Variants in MXI1 observed in about 807,000 individuals in gnomAD.
MXI1 encodes max-interacting protein 1.
Under a neutral mutation model 36.9 loss-of-function variants are expected in MXI1, and 18 were observed. That is an observed-to-expected ratio of 0.49 (90% CI 0.34 to 0.72). The LOEUF is 0.72. MXI1 is among the 30% of genes least tolerant of loss of function. MXI1 has a pLI of 0.01. For missense variants in MXI1, 304 were observed against 379.1 expected, an observed-to-expected ratio of 0.80 and a Z score of 1.64; for synonymous variants, 160 against 146.7, an observed-to-expected ratio of 1.09 and a Z score of -0.65.
intron 3 of MXI1, among the ~76,000 whole-genome samples, chr10:110,278,492 C>T (rs1360191789): frequency 1.3e-5 from 2 of 152,184 alleles, no homozygotes; most frequent in East Asian, 3.8e-4. Flanking sequence ...TGGGTTATTT[C>T]TGTGGCTAGA....
intron 1 of MXI1, among the ~76,000 whole-genome samples, chr10:110,210,061 C>T (rs1238854635): frequency 7.0e-6 from 1 of 142,952 alleles, no homozygotes; most frequent in South Asian, 2.4e-4. Flanking sequence ...CCCCGCCGCC[C>T]TGGCCGCCGC....
intron 3 of MXI1, among the ~76,000 whole-genome samples, chr10:110,248,854 A>T (rs1049809895): frequency 2.0e-5 from 3 of 152,148 alleles, no homozygotes; most frequent in African/African-American, 7.2e-5. Context: ...AGGGATTTTT[A>T]TCAACAAAAA....
At chr10:110,280,620 C>T (rs1028994521) in intron 5 of MXI1, among the ~76,000 whole-genome samples, 2 of 150,258 alleles carry the variant, frequency 1.3e-5, no homozygotes, top group Non-Finnish European at 3.0e-5. Context: ...GCGGAGCTTG[C>T]AGTGAGCCGA....
At chr10:110,230,083 G>A (rs777463189) in intron 2 of MXI1, among the ~76,000 whole-genome samples, 1 of 152,166 alleles carries the variant, frequency 6.6e-6, no homozygotes, top group Admixed American at 6.6e-5. Context: ...GACAGTTTTA[G>A]AGATTGGTTA....
chr10:110,257,855 T>TA, intron 3 of MXI1: 1 of 326,220 alleles, frequency 3.1e-6, no homozygotes, highest in Non-Finnish European at 6.1e-6. Context: ...AATAGGTGTT[T>TA]AAAAAACAAA....
intron 1 of MXI1, among the ~76,000 whole-genome samples, chr10:110,213,268 G>A (rs534330259): frequency 2.0e-5 from 3 of 152,314 alleles, no homozygotes; most frequent in African/African-American, 7.2e-5. Context: ...GGGCTTTGAT[G>A]GCAACTAATG....
chr10:110,243,848 C>G (rs973977310), intron 2 of MXI1, among the ~76,000 whole-genome samples: 2 of 152,042 alleles, frequency 1.3e-5, no homozygotes, highest in East Asian at 1.9e-4. Flanking sequence ...AATGAAGGGA[C>G]TTTACTGAGG....
intron 2 of MXI1, among the ~76,000 whole-genome samples, chr10:110,241,798 C>T (rs529739080): frequency 6.6e-6 from 1 of 152,016 alleles, no homozygotes; most frequent in Admixed American, 6.6e-5. Flanking sequence ...AAAATACTAA[C>T]AGTAGCTAGC....
rs151168349 is a variant in MXI1 at position 110,243,719 on chromosome 10, A to T, written c.408-1109A>T. On this transcript the variant is annotated intron_variant, in intron 2 of 5. Transcript: ENST00000332674. ...TAGTATAACAATTCTAATAGTAGCTAACTTTAGAGTTCATTATATTTTGCT... is the reference window on the plus strand; with the variant it reads ...TAGTATAACAATTCTAATAGTAGCTTACTTTAGAGTTCATTATATTTTGCT... 3.3e-4 allele frequency among the ~76,000 whole-genome samples: 50 copies of T among 152,260 alleles called. 1 individual carries two copies. Among genetic ancestry groups the T allele is most frequent in the African/African-American group, 1.2e-3 (49 of 41,574 alleles).
intron 1 of MXI1, among the ~76,000 whole-genome samples, chr10:110,214,502 G>T (rs942763708): frequency 3.1e-4 from 47 of 151,688 alleles, no homozygotes; most frequent in Admixed American, 3.1e-3. Flanking sequence ...CCAACAGCAG[G>T]TTCATCAAAA....
At chr10:110,263,853 A>C (rs753271328) in intron 3 of MXI1, among the ~76,000 whole-genome samples, 1 of 152,240 alleles carries the variant, frequency 6.6e-6, no homozygotes, top group African/African-American at 2.4e-5. Flanking sequence ...AGAATCTTTC[A>C]TGGAAGTTTC....
intron 2 of MXI1, among the ~76,000 whole-genome samples, chr10:110,228,816 C>G (rs550645839): frequency 6.6e-6 from 1 of 152,192 alleles, no homozygotes; most frequent in South Asian, 2.1e-4. Context: ...AAAGTTTTGC[C>G]TCTTTAAATG....
At chr10:110,230,889 T>C (rs1590346664) in intron 2 of MXI1, among the ~76,000 whole-genome samples, 1 of 152,362 alleles carries the variant, frequency 6.6e-6, no homozygotes, top group Non-Finnish European at 1.5e-5. Flanking sequence ...ATATGTCTTA[T>C]TTTTTCCTGA....
intron 3 of MXI1, among the ~76,000 whole-genome samples, chr10:110,245,482 T>C (rs999025617): frequency 9.9e-5 from 15 of 152,026 alleles, no homozygotes; most frequent in Admixed American, 5.2e-4. Context: ...TTTTAGAAGG[T>C]CACCTGATAC....
intron 3 of MXI1, among the ~76,000 whole-genome samples, 164 bp from the exon 4 acceptor site, chr10:110,279,016 T>G (rs572263691): frequency 6.6e-6 from 1 of 152,312 alleles, no homozygotes; most frequent in African/African-American, 2.4e-5. Context: ...TAGCAGAGAC[T>G]GAAATGCGGC....
In MXI1 at chr10:110,268,573, G is replaced by A. The variant is rs534586529; in HGVS notation, c.438-10607G>A. ...TTTAAAAAATAAAGTAGTTCTTAAG[G>A]CATGTTCACTTTCTATCTACCTAAA... On this transcript the variant is annotated intron_variant, in intron 3 of 5. Coordinates refer to ENST00000332674, the MANE Select transcript of MXI1 (RefSeq NM_130439.3). 3.3e-5 allele frequency among the ~76,000 whole-genome samples: 5 copies of A among 152,106 alleles called. No individual in the cohort carries two copies. The East Asian group carries it at 9.7e-4, about 29-fold the overall frequency.
In MXI1 at chr10:110,207,739, TG is replaced by T; in HGVS notation, c.-65del. 6 of 1,050,918 alleles carry T rather than the reference TG, an allele frequency of 5.7e-6. No individual in the cohort carries two copies. The highest frequency in any genetic ancestry group is 6.1e-5 in the East Asian group (1 of 16,510). The allele number at this position is 1,050,918 out of a possible 1,614,324, so 65.1% of individuals were successfully genotyped here. ...TCTGCTCCAGCCGGCCGGGTCTCCC[TG>T]GGGGCCCGGAGCTCGGCCGGGCCGC... is the stretch of plus-strand genomic sequence containing the variant. On this transcript the variant is annotated 5_prime_UTR_variant, in exon 1 of 6. Coordinates refer to ENST00000332674, the MANE Select transcript of MXI1 (RefSeq NM_130439.3).
chr10:110,226,704 G>C (rs1855006055), intron 1 of MXI1, among the ~76,000 whole-genome samples: 1 of 17,352 alleles, frequency 5.8e-5, no homozygotes, highest in Non-Finnish European at 1.2e-4. Context: ...AGGGGAGCGC[G>C]CTTGTGATGG....
chr10:110,225,333 TA>T (rs1336954408), intron 1 of MXI1, among the ~76,000 whole-genome samples: 1 of 152,172 alleles, frequency 6.6e-6, no homozygotes, highest in African/African-American at 2.4e-5. Flanking sequence ...TTCTGGCGTC[TA>T]AAAGCACTAG....
Sources: allele counts gnomAD v4.1 joint callset (sites outside exome capture counted in the v4.1 genomes callset), GRCh38; gene constraint gnomAD v4.1.1; transcripts MANE v1.5; gene names NCBI Gene and HGNC (gene_info 2026-07-23, HGNC 2026-07-21).